The following TLE3 variants were observed in gnomAD, a reference collection of about 807,000 sequenced individuals.
The protein encoded by TLE3 is transducin-like enhancer protein 3.
Under a neutral mutation model 93.0 loss-of-function variants are expected in TLE3, and 14 were observed. The observed-to-expected ratio is 0.15, with a 90% CI of 0.10 to 0.24. The LOEUF (loss-of-function observed/expected upper bound fraction) is 0.24, where lower values mean the gene tolerates loss of function less well. Ranked by LOEUF, TLE3 falls within the 10% of genes least tolerant of loss-of-function variation. The pLI is 1.00. For synonymous variants in TLE3, 451 were observed against 425.0 expected (o/e 1.06, Z -0.75); for missense variants, 693 against 1,046.6 (o/e 0.66, Z 4.66).
chr15:70,095,395 T>TC, intron 3 of TLE3, 183 bp downstream of exon 3: 1 of 1,470,998 alleles, frequency 6.8e-7, no homozygotes, highest in Non-Finnish European at 9.0e-7. Context: ...CTCACCCTCC[T>TC]CCAAGTGGCC....
chr15:70,094,614 GA>G (rs1216110873), intron 3 of TLE3, 38 bp from the exon 4 acceptor site: 1 of 1,436,736 alleles, frequency 7.0e-7, no homozygotes. Flanking sequence ...AGACAACACA[GA>G]AATCTGGTCA....
In TLE3 at chr15:70,056,206, G is replaced by C. The variant is rs1323336443; in HGVS notation, c.1328+92C>G. 3 of 1,373,960 alleles carry C rather than the reference G, an allele frequency of 2.2e-6. No homozygotes were observed. The Admixed American group carries it at 5.0e-5, about 23-fold the overall frequency. 85.1% of individuals were successfully genotyped at this position (1,373,960 alleles called of 1,614,324 possible). A position where few individuals can be genotyped will look rare whatever the true frequency, so the allele number is the denominator to read the frequency against. On this transcript the variant is annotated intron_variant, in intron 14 of 19. Transcript: ENST00000451782. ...GGAGGTGCACCAGGGCAAACCCTTGGTCAGGGGATGAGGGGCGTTGTTGGA... is the reference window on the plus strand; with the variant it reads ...GGAGGTGCACCAGGGCAAACCCTTGCTCAGGGGATGAGGGGCGTTGTTGGA...
At chr15:70,060,011 T>C (rs2056359423) in intron 9 of TLE3, among the ~76,000 whole-genome samples, 1 of 152,096 alleles carries the variant, frequency 6.6e-6, no homozygotes, top group African/African-American at 2.4e-5. Flanking sequence ...TCCCCTTCCC[T>C]CTGTCCCAGC....
intron 15 of TLE3, 131 bp downstream of exon 15, chr15:70,054,918 G>A (rs1372104651): frequency 3.0e-6 from 4 of 1,345,846 alleles, no homozygotes; most frequent in Non-Finnish European, 4.0e-6. Context: ...GCTCAGAGAG[G>A]TTAGTCAGCT....
At chr15:70,095,408 G>T (rs561833249) in intron 3 of TLE3, 170 bp downstream of exon 3, 30 of 1,481,138 alleles carry the variant, frequency 2.0e-5, no homozygotes, top group Admixed American at 1.0e-4. Context: ...AAGTGGCCCC[G>T]GCAATGGAAG....
Position 70,054,279 on chromosome 15 carries a change from C to T in TLE3, c.1826+159G>A, listed in dbSNP as rs1432880747. On this transcript the variant is annotated intron_variant, in intron 16 of 19. Transcript: ENST00000451782. Reference sequence around the variant, plus strand: ...TCCCTCCTCTGTCCCTCGCATAAGGCAGGCGGAGCTGTCTTTTCACCTGTG... The same window carrying T: ...TCCCTCCTCTGTCCCTCGCATAAGGTAGGCGGAGCTGTCTTTTCACCTGTG... 3 of 1,042,292 alleles carry T rather than the reference C, an allele frequency of 2.9e-6. No individual in the cohort carries two copies. The Admixed American group carries it at 8.2e-5, about 28-fold the overall frequency. The allele number at this position is 1,042,292 out of a possible 1,614,324, so 64.6% of individuals were successfully genotyped here.
Position 70,096,268 on chromosome 15 carries a change from C to T in TLE3, c.25-7G>A, listed in dbSNP as rs1441134300. 6.4e-7 allele frequency: 1 copy of T among 1,551,730 alleles called. No individual in the cohort carries two copies. The highest frequency in any genetic ancestry group is 1.2e-5 in the South Asian group (1 of 84,146). On this transcript the variant is annotated splice_polypyrimidine_tract_variant and splice_region_variant and intron_variant, in intron 1 of 19. Transcript: ENST00000451782. ...GCCCGGGTTGATGGGGAGCCTGGAGCCCGCGAAGACAAGACAGGGGAGGGG... is the reference window on the plus strand; with the variant it reads ...GCCCGGGTTGATGGGGAGCCTGGAGTCCGCGAAGACAAGACAGGGGAGGGG...
At chr15:70,086,194 T>C (rs2058029278) in intron 4 of TLE3, among the ~76,000 whole-genome samples, 1 of 152,202 alleles carries the variant, frequency 6.6e-6, no homozygotes, top group Non-Finnish European at 1.5e-5. Flanking sequence ...GAAGTTCTTG[T>C]ACCTCACCCC....
rs541500533 is a variant in TLE3, at chr15:70,059,391, C to A, written c.765+19G>T. 1 of 1,605,076 alleles carries A rather than the reference C, an allele frequency of 6.2e-7. No individual in the cohort carries two copies. The highest frequency in any genetic ancestry group is 8.5e-7 in the Non-Finnish European group (1 of 1,175,646). On this transcript the variant is annotated intron_variant, in intron 10 of 19. Coordinates refer to ENST00000451782, the MANE Select transcript of TLE3 (RefSeq NM_001105192.3). ...CCATGCCAAACCAAGAGCCCCCTTG[C>A]GACCGGGCCTGCCCATACCTCATTG...
intron 4 of TLE3, chr15:70,079,323 C>T (rs1475025405): frequency 2.0e-6 from 1 of 492,130 alleles, no homozygotes; most frequent in Non-Finnish European, 4.1e-6. Flanking sequence ...CTCTGCAAGG[C>T]AGGAAGGACT....
At position 70,090,804 on chromosome 15, in the gene TLE3, T is replaced by C. The variant is rs142636043; in HGVS notation, c.234+3728A>G. 3.8e-4 allele frequency among the ~76,000 whole-genome samples: 58 copies of C among 152,298 alleles called. No individual in the cohort carries two copies. In the East Asian group the frequency reaches 8.1e-3, roughly 21 times the overall value. On this transcript the variant is annotated intron_variant, in intron 4 of 19. Coordinates refer to ENST00000451782, the MANE Select transcript of TLE3 (RefSeq NM_001105192.3). ...CACATCAAATCATTAGTTGTGCAAA[T>C]AGCTGGCAATTCAAAACAGGACTGT...
intron 4 of TLE3, among the ~76,000 whole-genome samples, chr15:70,078,319 G>A (rs142719003): frequency 4.6e-5 from 7 of 152,192 alleles, no homozygotes; most frequent in East Asian, 1.9e-4. Context: ...ACTCCAAACC[G>A]GCAGAGTAAC....
chr15:70,052,340 C>A (rs150516672), intron 18 of TLE3, 34 bp downstream of exon 18: 55 of 1,602,940 alleles, frequency 3.4e-5, no homozygotes, highest in African/African-American at 3.1e-4. Context: ...TTCCCCACCC[C>A]ACTCCATCAG....
chr15:70,067,686 G>A (rs2056896757), intron 6 of TLE3, among the ~76,000 whole-genome samples: 1 of 152,202 alleles, frequency 6.6e-6, no homozygotes, highest in Admixed American at 6.5e-5. Context: ...GGCAGGAGGA[G>A]GCAGTAAGCA....
intron 4 of TLE3, among the ~76,000 whole-genome samples, chr15:70,076,910 G>A (rs1237496205): frequency 6.6e-6 from 1 of 152,046 alleles, no homozygotes. Context: ...TAGAGACTGG[G>A]TTTCGCCACG....
intron 4 of TLE3, 81 bp from the exon 5 acceptor site, chr15:70,076,239 C>T: frequency 9.1e-7 from 1 of 1,101,174 alleles, no homozygotes; most frequent in Non-Finnish European, 1.4e-6. Context: ...GAAATGCAAA[C>T]TCCCCCCAGA....
intron 4 of TLE3, among the ~76,000 whole-genome samples, chr15:70,090,196 G>A (rs1026453878): frequency 1.3e-5 from 2 of 152,140 alleles, no homozygotes; most frequent in South Asian, 2.1e-4. Context: ...CCAAAGCTGA[G>A]CGAGGCAGGC....
At chr15:70,071,105 A>G (rs908064200) in intron 6 of TLE3, among the ~76,000 whole-genome samples, 10 of 152,194 alleles carry the variant, frequency 6.6e-5, no homozygotes, top group Admixed American at 2.0e-4. Flanking sequence ...AATGGGTGAT[A>G]TATCGGCTCA....
chr15:70,096,030 A>G, intron 2 of TLE3, 131 bp downstream of exon 2: 1 of 1,091,908 alleles, frequency 9.2e-7, no homozygotes. Context: ...AGGGGAAACA[A>G]AAGGCGGAGG....
Sources: allele counts gnomAD v4.1 joint callset (sites outside exome capture counted in the v4.1 genomes callset), GRCh38; gene constraint gnomAD v4.1.1; transcripts MANE v1.5; gene names NCBI Gene and HGNC (gene_info 2026-07-23, HGNC 2026-07-21).